The following HECW1 variants were observed in gnomAD, a reference collection of about 807,000 sequenced individuals.
HECW1 encodes HECT, C2 and WW domain containing E3 ubiquitin protein ligase 1.
A neutral mutation model predicts 182.3 loss-of-function variants in HECW1; 61 were observed. The ratio of observed to expected loss-of-function variants is 0.33; its 90% CI spans 0.27 to 0.41. The LOEUF is 0.41. HECW1 is among the 10% of genes least tolerant of loss of function. The pLI is 1.00. For synonymous variants in HECW1, 859 were observed against 832.6 expected (o/e 1.03, Z -0.55); for missense variants, 1,739 against 2,108.9 (o/e 0.82, Z 3.44).
At chr7:43,482,909 A>T (rs1023991530) in intron 17 of HECW1, among the ~76,000 whole-genome samples, 1 of 152,186 alleles carries the variant, frequency 6.6e-6, no homozygotes, top group African/African-American at 2.4e-5. Context: ...TGTCTCAACA[A>T]AACAAAACAA....
chr7:43,116,333 C>T lies in HECW1; in HGVS notation c.-32+1942C>T, dbSNP rs544148294. 2.0e-5 allele frequency among the ~76,000 whole-genome samples: 3 copies of T among 152,306 alleles called. No homozygotes were observed. The South Asian group carries it at 6.2e-4, about 32-fold the overall frequency. On this transcript the variant is annotated intron_variant, in intron 2 of 29. Transcript: ENST00000395891. ...CTTAGAAGGAAACATGGCCCAAGCA[C>T]TTTAACCTCTAATCCACACTTAAAC... is the stretch of plus-strand genomic sequence containing the variant.
intron 3 of HECW1, among the ~76,000 whole-genome samples, chr7:43,266,320 T>C (rs1159394843): frequency 6.6e-6 from 1 of 151,986 alleles, no homozygotes; most frequent in African/African-American, 2.4e-5. Flanking sequence ...TCAGGAAGTG[T>C]TTTTTTGTTT....
chr7:43,533,908 T>G (rs1563098636), intron 24 of HECW1, among the ~76,000 whole-genome samples: 1 of 152,114 alleles, frequency 6.6e-6, no homozygotes, highest in African/African-American at 2.4e-5. Context: ...AAGCCAAGAA[T>G]TAAGCAGAAG....
At chr7:43,524,716 T>G (rs1363608321) in intron 24 of HECW1, among the ~76,000 whole-genome samples, 2 of 152,222 alleles carry the variant, frequency 1.3e-5, no homozygotes, top group Non-Finnish European at 2.9e-5. Flanking sequence ...TTGAAAGAAT[T>G]CTTTTTTCAC....
At chr7:43,285,562 C>T (rs1804536679) in intron 3 of HECW1, among the ~76,000 whole-genome samples, 1 of 152,176 alleles carries the variant, frequency 6.6e-6, no homozygotes, top group Admixed American at 6.5e-5. Context: ...ATAATCCCAG[C>T]ACTTTGGGAG....
chr7:43,203,932 A>G (rs1283726258), intron 2 of HECW1, among the ~76,000 whole-genome samples: 1 of 152,232 alleles, frequency 6.6e-6, no homozygotes, highest in Non-Finnish European at 1.5e-5. Context: ...CACTATGTTT[A>G]GATGTATATT....
intron 3 of HECW1, among the ~76,000 whole-genome samples, chr7:43,275,600 A>G (rs1295293459): frequency 1.3e-5 from 2 of 152,176 alleles, no homozygotes. Context: ...ATGCAAATGC[A>G]CTAATCACCT....
In HECW1 at chr7:43,479,598, G is replaced by T. The variant is rs1222577586; in HGVS notation, c.3100-12G>T. On this transcript the variant is annotated splice_polypyrimidine_tract_variant and intron_variant, in intron 16 of 29. Coordinates refer to ENST00000395891, the MANE Select transcript of HECW1 (RefSeq NM_015052.5). ...CACCACACGGTGCTTTTTTTCACTGGTCTGTTCGCAGTCTTTTTTCGTGGA... is the reference window on the plus strand; with the variant it reads ...CACCACACGGTGCTTTTTTTCACTGTTCTGTTCGCAGTCTTTTTTCGTGGA... 1 of 1,613,806 alleles carries T rather than the reference G, an allele frequency of 6.2e-7. No individual in the cohort carries two copies.
chr7:43,145,902 C>T (rs1240314070), intron 2 of HECW1, among the ~76,000 whole-genome samples: 12 of 152,170 alleles, frequency 7.9e-5, no homozygotes, highest in African/African-American at 2.9e-4. Flanking sequence ...TGTAGAACTG[C>T]TCTTGCTGAA....
chr7:43,421,859 A>G (rs2076194396), intron 8 of HECW1, among the ~76,000 whole-genome samples: 1 of 152,198 alleles, frequency 6.6e-6, no homozygotes, highest in South Asian at 2.1e-4. Context: ...GACATCAGTT[A>G]GGAGACATTA....
At chr7:43,429,699 G>C (rs778142015) in intron 8 of HECW1, among the ~76,000 whole-genome samples, 6 of 152,150 alleles carry the variant, frequency 3.9e-5, no homozygotes, top group Non-Finnish European at 7.3e-5. Flanking sequence ...TGCTCCATTT[G>C]CTTCTTGCCT....
intron 3 of HECW1, among the ~76,000 whole-genome samples, chr7:43,287,024 G>T (rs1347121904): frequency 2.0e-5 from 3 of 152,042 alleles, no homozygotes; most frequent in African/African-American, 7.2e-5. Context: ...GGGTAGCGGG[G>T]AGTTGTTTAA....
intron 19 of HECW1, among the ~76,000 whole-genome samples, chr7:43,495,594 T>C (rs1261021090): frequency 1.3e-5 from 2 of 152,174 alleles, no homozygotes; most frequent in African/African-American, 2.4e-5. Context: ...ACTTTGAAAA[T>C]AGGAAACACC....
chr7:43,406,009 C>A lies in HECW1; in HGVS notation c.632-1553C>A, dbSNP rs138144362. ...CACCCCCCAGTCTTGCGCATGCCTC[C>A]TCTTCCTACTTTATCCACTGTCTCT... On this transcript the variant is annotated intron_variant, in intron 7 of 29. Coordinates refer to ENST00000395891, the MANE Select transcript of HECW1 (RefSeq NM_015052.5). 1.6e-4 allele frequency among the ~76,000 whole-genome samples: 25 copies of A among 152,336 alleles called. No individual in the cohort carries two copies. The East Asian group carries it at 4.4e-3, about 27-fold the overall frequency.
chr7:43,485,580 GCTGCAAACCTGTA>G (rs1222272463), intron 17 of HECW1, among the ~76,000 whole-genome samples: 1 of 152,260 alleles, frequency 6.6e-6, no homozygotes, highest in East Asian at 1.9e-4. Flanking sequence ...TGGCTCCCAG[GCTGCAAACCTGTA>G]CAGCATATTA....
chr7:43,369,603 C>G (rs1258079422), intron 6 of HECW1, among the ~76,000 whole-genome samples: 10 of 152,202 alleles, frequency 6.6e-5, no homozygotes, highest in Middle Eastern at 3.2e-3. Flanking sequence ...TAGGCATTTA[C>G]TACCTGACCT....
chr7:43,396,989 C>G, intron 7 of HECW1, 100 bp downstream of exon 7: 1 of 817,796 alleles, frequency 1.2e-6, no homozygotes, highest in Admixed American at 1.9e-5. Context: ...AGTCAGTCAA[C>G]CTCTCTGTGC....
At chr7:43,323,178 T>G (rs1432455410) in intron 5 of HECW1, among the ~76,000 whole-genome samples, 1 of 152,236 alleles carries the variant, frequency 6.6e-6, no homozygotes, top group East Asian at 1.9e-4. Flanking sequence ...TGCCATTCTC[T>G]TCAAAGCAGT....
Position 43,432,647 on chromosome 7 carries a change from C to T in HECW1, c.802-5356C>T, listed in dbSNP as rs73328095. 0.012 allele frequency among the ~76,000 whole-genome samples: 1,894 copies of T among 152,228 alleles called. 38 individuals carry two copies. Among genetic ancestry groups the T allele is most frequent in the African/African-American group, 0.044 (1,821 of 41,538 alleles). On this transcript the variant is annotated intron_variant, in intron 8 of 29. Transcript: ENST00000395891. This position sits in a 1 kb window ranked among gnomAD's most constrained non-coding sequence, Gnocchi z 4.1. ...GAAGGGTGGTAGCTGTGTCCCAGCA[C>T]CCAGCTCACAGCCAGTGCCCAAAAA...
Sources: allele counts gnomAD v4.1 joint callset (sites outside exome capture counted in the v4.1 genomes callset), GRCh38; gene constraint gnomAD v4.1.1; non-coding constraint Gnocchi (gnomAD v3.1); transcripts MANE v1.5; gene names NCBI Gene and HGNC (gene_info 2026-07-23, HGNC 2026-07-21).